Variants in UBAC2 observed in about 807,000 individuals in gnomAD.
UBAC2 encodes UBA domain containing 2.
Under a neutral mutation model 44.0 loss-of-function variants are expected in UBAC2, and 26 were observed. The ratio of observed to expected loss-of-function variants is 0.59; its 90% CI spans 0.43 to 0.82. The LOEUF (loss-of-function observed/expected upper bound fraction) is 0.82. Among genes scored for constraint, UBAC2 ranks in the 40% least tolerant of loss-of-function variants. UBAC2 has a pLI of 0.00. For synonymous variants in UBAC2, 155 were observed against 154.3 expected (o/e 1.00, Z -0.04); for missense variants, 329 against 419.4 (o/e 0.78, Z 1.88).
intron 1 of UBAC2, chr13:99,215,810 G>C: frequency 1.5e-6 from 1 of 661,532 alleles, no homozygotes; most frequent in Non-Finnish European, 2.6e-6. Flanking sequence ...AATCAGACCC[G>C]TGGTGAGATC....
intron 8 of UBAC2, among the ~76,000 whole-genome samples, chr13:99,378,654 T>C (rs184181524): frequency 6.6e-6 from 1 of 152,370 alleles, no homozygotes; most frequent in Non-Finnish European, 1.5e-5. Context: ...GTGGAATCCT[T>C]CAAAGTCACC....
rs1157508935 is a variant in UBAC2 at position 99,296,252 on chromosome 13, A to C, written c.390-17845A>C. On this transcript the variant is annotated intron_variant, in intron 4 of 8. Coordinates refer to ENST00000403766, the MANE Select transcript of UBAC2 (RefSeq NM_001144072.2). ...AGTTTTAAAAAAGTTTAAATAATGT[A>C]TCAAAGCAATCCAAACTGTCTTTTA... 2.8e-6 allele frequency: 3 copies of C among 1,061,750 alleles called. No individual in the cohort carries two copies. The African/African-American group carries it at 4.8e-5, about 17-fold the overall frequency. The allele number at this position is 1,061,750 out of a possible 1,614,324, so 65.8% of individuals were successfully genotyped here.
intron 6 of UBAC2, among the ~76,000 whole-genome samples, chr13:99,325,180 G>A (rs1372604555): frequency 2.2e-5 from 3 of 136,866 alleles, no homozygotes; most frequent in African/African-American, 5.4e-5. Flanking sequence ...TTGGTTCACC[G>A]CAAGCTCCAC....
chr13:99,249,657 A>T (rs2043433777), intron 4 of UBAC2, among the ~76,000 whole-genome samples: 1 of 152,210 alleles, frequency 6.6e-6, no homozygotes, highest in Non-Finnish European at 1.5e-5. Flanking sequence ...CATTCCCACC[A>T]ACAGTGTATA....
chr13:99,383,276 T>C (rs1478828461), intron 8 of UBAC2, among the ~76,000 whole-genome samples: 1 of 152,276 alleles, frequency 6.6e-6, no homozygotes, highest in Admixed American at 6.5e-5. Flanking sequence ...GTCAGGTCTC[T>C]CAAATCCTGC....
chr13:99,224,816 TTAA>T (rs1353605256), intron 1 of UBAC2, among the ~76,000 whole-genome samples: 1 of 152,232 alleles, frequency 6.6e-6, no homozygotes, highest in Non-Finnish European at 1.5e-5. Context: ...TCCCTAGAGT[TTAA>T]TAATAACTAT....
Position 99,367,673 on chromosome 13 carries a change from A to G in UBAC2, c.808-114A>G. 2.1e-6 allele frequency: 3 copies of G among 1,417,706 alleles called. No homozygotes were observed. In the South Asian group the frequency reaches 3.5e-5, roughly 17 times the overall value. The allele number at this position is 1,417,706 out of a possible 1,614,324, so 87.8% of individuals were successfully genotyped here. ...AATTGCTTGCATAGAGCGGATCAAT[A>G]TGATACTTCCTTCCCAGTCTATAGA... is the stretch of plus-strand genomic sequence containing the variant. On this transcript the variant is annotated intron_variant, in intron 7 of 8. Coordinates refer to ENST00000403766, the MANE Select transcript of UBAC2 (RefSeq NM_001144072.2).
At chr13:99,264,926 C>G (rs2138652167) in intron 4 of UBAC2, among the ~76,000 whole-genome samples, 1 of 151,836 alleles carries the variant, frequency 6.6e-6, no homozygotes, top group South Asian at 2.1e-4. Flanking sequence ...GCACTCAGTC[C>G]CCTGATGGGG....
rs1011742681 is a variant in UBAC2, at chr13:99,381,158, A to T, written c.928-4070A>T. Among the ~76,000 whole-genome samples, 52 of 152,128 alleles carry T rather than the reference A, an allele frequency of 3.4e-4. 1 individual carries two copies. The highest frequency in any genetic ancestry group is 1.5e-5 in the Non-Finnish European group (1 of 68,012). On this transcript the variant is annotated intron_variant, in intron 8 of 8. Transcript: ENST00000403766. ...TTACAACCCAGCCCAGCCATCCCAG[A>T]CCTAAGGGGTTCTTCCCTCTCCAGG... is the stretch of plus-strand genomic sequence containing the variant.
intron 8 of UBAC2, among the ~76,000 whole-genome samples, chr13:99,373,999 T>C (rs75914990): frequency 2.0e-5 from 3 of 152,190 alleles, no homozygotes; most frequent in African/African-American, 7.2e-5. Context: ...TGCATTAATA[T>C]TAATAATACA....
intron 1 of UBAC2, among the ~76,000 whole-genome samples, chr13:99,237,267 T>TACACACACACACACACACACAC (rs560517982): frequency 2.5e-5 from 3 of 118,668 alleles, no homozygotes; most frequent in Non-Finnish European, 5.7e-5. Flanking sequence ...TATATATATA[T>TACACACACACACACACACACAC]ATATACACAC....
rs2044868134 is a variant in UBAC2, at chr13:99,340,426, C to T, written c.668C>T (p.Ser223Phe). The T allele has an allele frequency of 6.2e-7, 1 of 1,614,106 alleles. No homozygotes were observed. The highest frequency in any genetic ancestry group is 1.1e-5 in the South Asian group (1 of 91,092). The change falls in exon 7 of 9, where the codon TCT (serine) becomes TTT (phenylalanine). Residue 223 changes from serine (S) to phenylalanine (F), a missense_variant. Coordinates refer to ENST00000403766, the MANE Select transcript of UBAC2 (RefSeq NM_001144072.2). ...FFSWTLEPIF[S>F]SSEPTSEARI... is the part of the protein sequence containing the mutation. ...TCTTGGACACTTGAACCCATCTTCT[C>T]TTCTTCAGAACCCACCAGCGAAGCC...
At chr13:99,298,201 C>T (rs2044205065) in intron 4 of UBAC2, among the ~76,000 whole-genome samples, 2 of 152,088 alleles carry the variant, frequency 1.3e-5, no homozygotes, top group African/African-American at 4.8e-5. Flanking sequence ...GATTTAAAAG[C>T]TAACAGAACT....
chr13:99,371,477 TA>T (rs1406088464), intron 8 of UBAC2, among the ~76,000 whole-genome samples: 13 of 152,176 alleles, frequency 8.5e-5, no homozygotes, highest in Non-Finnish European at 1.5e-4. Context: ...ATAGAGATTA[TA>T]AAAGATAAAA....
At chr13:99,218,225 T>G (rs923475091) in intron 1 of UBAC2, among the ~76,000 whole-genome samples, 2 of 152,344 alleles carry the variant, frequency 1.3e-5, no homozygotes, top group African/African-American at 4.8e-5. Context: ...AATGTTTGTA[T>G]AAAATCTCCC....
rs2043357071 is a variant in UBAC2 at position 99,244,458 on chromosome 13, G to A, written c.280-57G>A. ...CTGAGCTGATTCTAGCTGAATAAAT[G>A]TTAGTTTATTTTTAGGAGACTCATC... On this transcript the variant is annotated intron_variant, in intron 3 of 8. Transcript: ENST00000403766. The A allele has an allele frequency of 4.1e-6, 5 of 1,221,422 alleles. No individual in the cohort carries two copies. The South Asian group carries it at 5.0e-5, about 12-fold the overall frequency. The allele number at this position is 1,221,422 out of a possible 1,614,324, so 75.7% of individuals were successfully genotyped here.
intron 1 of UBAC2, among the ~76,000 whole-genome samples, chr13:99,232,131 A>G (rs2043179951): frequency 6.6e-6 from 1 of 152,158 alleles, no homozygotes; most frequent in African/African-American, 2.4e-5. Context: ...GCTAGAAACT[A>G]TTAGAAGTGT....
intron 6 of UBAC2, 144 bp downstream of exon 6, chr13:99,318,213 G>C: frequency 1.2e-6 from 1 of 847,162 alleles, no homozygotes; most frequent in East Asian, 2.6e-5. Context: ...TGTTGCCCAG[G>C]CTGGAGTGCA....
chr13:99,291,573 A>G (rs924360061), intron 4 of UBAC2, among the ~76,000 whole-genome samples: 1 of 152,232 alleles, frequency 6.6e-6, no homozygotes, highest in Non-Finnish European at 1.5e-5. Context: ...CTTGTACTCA[A>G]TGGTAGGAGC....
Sources: allele counts gnomAD v4.1 joint callset (sites outside exome capture counted in the v4.1 genomes callset), GRCh38; gene constraint gnomAD v4.1.1; transcripts MANE v1.5; gene names NCBI Gene and HGNC (gene_info 2026-07-23, HGNC 2026-07-21).